REM1: variants seen among roughly 807,000 people sequenced by gnomAD.
REM1 encodes the protein RRAD and GEM like GTPase 1, also known as GTP-binding protein REM 1.
In REM1, 20 loss-of-function variants were observed where a neutral mutation model predicts 27.0. The observed-to-expected ratio is 0.74, with a 90% CI of 0.52 to 1.08. REM1 has a LOEUF of 1.08. Among genes scored for constraint, REM1 ranks in the 50% least tolerant of loss-of-function variants. The pLI, the probability that REM1 is intolerant of heterozygous loss-of-function variation, is 0.00. For synonymous variants in REM1, 159 were observed against 167.9 expected (o/e 0.95, Z 0.41); for missense variants, 405 against 407.0 (o/e 1.00, Z 0.04).
intron 3 of REM1, among the ~76,000 whole-genome samples, chr20:31,480,945 T>C (rs114246766): frequency 0.014 from 2,111 of 152,288 alleles, 43 homozygotes; most frequent in African/African-American, 0.049. Flanking sequence ...TGCTTTCCTA[T>C]TCATCACCAA....
chr20:31,478,220 C>T (rs1164932789), intron 3 of REM1, among the ~76,000 whole-genome samples: 4 of 101,512 alleles, frequency 3.9e-5, no homozygotes, highest in Admixed American at 3.0e-4. Context: ...ACAGAAGGAA[C>T]GCTGGATTTG....
Position 31,482,411 on chromosome 20 carries a change from A to C in REM1, c.548A>C (p.His183Pro). 6.2e-7 allele frequency: 1 copy of C among 1,614,144 alleles called. No homozygotes were observed. Among genetic ancestry groups the C allele is most frequent in the Non-Finnish European group, 8.5e-7 (1 of 1,180,016 alleles). Reference sequence around the variant, plus strand: ...CTCCGCATCCAGCTGCGGCGCACACATCAGGCAGACCATGTGCCCATCATC... The same window carrying C: ...CTCCGCATCCAGCTGCGGCGCACACCTCAGGCAGACCATGTGCCCATCATC... ...SELRIQLRRT[H>P]QADHVPIILV... The change falls in exon 4 of 5, where the codon CAT (histidine) becomes CCT (proline). Residue 183 changes from histidine (H) to proline (P), a missense_variant. Transcript: ENST00000201979.
Position 31,477,845 on chromosome 20 carries a change from A to C in REM1, c.358A>C (p.Thr120Pro). The change falls in exon 3 of 5, where the codon ACC (threonine) becomes CCC (proline). Residue 120 changes from threonine to proline, a missense_variant. Transcript: ENST00000201979. ...GGTTGCAGAAGATGTATATGAGAGGACCCTCACGGTGGATGGAGAAGACAC... is the reference window on the plus strand; with the variant it reads ...GGTTGCAGAAGATGTATATGAGAGGCCCCTCACGGTGGATGGAGAAGACAC... Reference protein sequence around the residue: ...EQLGEDVYERTLTVDGEDTTL... With the variant: ...EQLGEDVYERPLTVDGEDTTL... 6.2e-7 allele frequency: 1 copy of C among 1,612,864 alleles called. No individual in the cohort carries two copies. The highest frequency in any genetic ancestry group is 8.5e-7 in the Non-Finnish European group (1 of 1,179,714).
chr20:31,477,954 T>C (rs1390201696), intron 3 of REM1, 44 bp downstream of exon 3: 7 of 1,253,058 alleles, frequency 5.6e-6, no homozygotes, highest in Non-Finnish European at 8.1e-6. Flanking sequence ...GTGCTGAGCC[T>C]AATACTAGAC....
In REM1 at chr20:31,484,877, A is replaced by T. The variant is rs576078548; in HGVS notation, c.*447A>T. On this transcript the variant is annotated 3_prime_UTR_variant, in exon 5 of 5. Coordinates refer to ENST00000201979, the MANE Select transcript of REM1 (RefSeq NM_014012.6). Reference sequence around the variant, plus strand: ...CTGGCCTGGGCGTCAGGGCGCATCAATAAAGTACTTGGACCAGTTTTGTGC... The same window carrying T: ...CTGGCCTGGGCGTCAGGGCGCATCATTAAAGTACTTGGACCAGTTTTGTGC... The T allele has an allele frequency of 1.8e-5, 3 of 165,938 alleles. No homozygotes were observed. Among genetic ancestry groups the T allele is most frequent in the African/African-American group, 7.1e-5 (3 of 42,084 alleles). 10.3% of individuals were successfully genotyped at this position (165,938 alleles called of 1,614,324 possible).
chr20:31,484,097 C>T, intron 4 of REM1, 62 bp from the exon 5 acceptor site: 1 of 1,486,632 alleles, frequency 6.7e-7, no homozygotes, highest in Non-Finnish European at 9.0e-7. Context: ...ACATCTCTTC[C>T]TACCTTTTTC....
chr20:31,476,441 C>A lies in REM1; in HGVS notation c.-5C>A. The A allele has an allele frequency of 6.4e-7, 1 of 1,551,746 alleles. No individual in the cohort carries two copies. Among genetic ancestry groups the A allele is most frequent in the Non-Finnish European group, 8.7e-7 (1 of 1,151,184 alleles). ...AAGGAAGAAGCAAACCCCCCCCTAC[C>A]AAAGATGACACTCAACACCGAGCAG... On this transcript the variant is annotated 5_prime_UTR_variant, in exon 2 of 5. Transcript: ENST00000201979.
At chr20:31,476,109 C>T in intron 1 of REM1, 118 bp from the exon 2 acceptor site, 1 of 292,316 alleles carries the variant, frequency 3.4e-6, no homozygotes, top group Non-Finnish European at 6.4e-6. Context: ...TACTACTGCC[C>T]CTCCACCTGC....
At chr20:31,481,647 A>T (rs757493574) in intron 3 of REM1, among the ~76,000 whole-genome samples, 11 of 152,160 alleles carry the variant, frequency 7.2e-5, no homozygotes, top group Non-Finnish European at 1.5e-4. Flanking sequence ...CCAGTCTTGG[A>T]GGGCTGTCCC....
chr20:31,477,981 C>T, intron 3 of REM1, 71 bp downstream of exon 3: 1 of 925,662 alleles, frequency 1.1e-6, no homozygotes, highest in Non-Finnish European at 1.7e-6. Flanking sequence ...CTGTCCCCTC[C>T]TGGGGACACT....
intron 3 of REM1, among the ~76,000 whole-genome samples, chr20:31,480,405 C>T (rs1980692196): frequency 6.6e-6 from 1 of 152,060 alleles, no homozygotes; most frequent in Non-Finnish European, 1.5e-5. Flanking sequence ...CTCACTGTAA[C>T]CTCCGCCTCC....
chr20:31,484,226 T>A lies in REM1; in HGVS notation c.693T>A (p.Asn231Lys). ...FIETSATLQH[N>K]VAELFEGVVR... is the part of the protein sequence containing the mutation. The stretch of plus-strand genomic sequence containing the variant: ...AGACATCCGCCACGCTGCAGCACAA[T>A]GTGGCCGAGCTCTTCGAGGGCGTGG... The change falls in exon 5 of 5, where the codon AAT (asparagine) becomes AAA (lysine). Residue 231 changes from asparagine (N) to lysine (K), a missense_variant. Physicochemically the swap from Asn to Lys is moderately conservative, Grantham distance 94. Transcript: ENST00000201979. The A allele has an allele frequency of 2.5e-6, 4 of 1,609,394 alleles. No homozygotes were observed. The highest frequency in any genetic ancestry group is 1.7e-5 in the Admixed American group (1 of 59,664).
chr20:31,476,658 C>A lies in REM1; in HGVS notation c.213C>A (p.Ser71Arg), dbSNP rs759705636. 5.0e-6 allele frequency: 8 copies of A among 1,614,118 alleles called. No individual in the cohort carries two copies. The Admixed American group carries it at 5.0e-5, about 10-fold the overall frequency. Reference sequence around the variant, plus strand: ...CAGATGATTGGTCTTCTGAATCCAGCGACTCTGAAGGCTCCTGGGAGGCTC... The same window carrying A: ...CAGATGATTGGTCTTCTGAATCCAGAGACTCTGAAGGCTCCTGGGAGGCTC... Reference protein sequence around the residue: ...PAPDDWSSESSDSEGSWEALY... With the variant: ...PAPDDWSSESRDSEGSWEALY... The change falls in exon 2 of 5, where the codon AGC (serine) becomes AGA (arginine). Residue 71 changes from serine to arginine, a missense_variant. By Grantham distance (110) the Ser-to-Arg change is moderately radical. Transcript: ENST00000201979.
chr20:31,477,811 T>C lies in REM1; in HGVS notation c.341-17T>C. ...TTGCCCGTCCTCCCTGAGATCCAGC[T>C]CTTCCCTCGGTTGCAGAAGATGTAT... On this transcript the variant is annotated splice_polypyrimidine_tract_variant and intron_variant, in intron 2 of 4. Transcript: ENST00000201979. The C allele has an allele frequency of 6.2e-7, 1 of 1,606,700 alleles. No individual in the cohort carries two copies. The highest frequency in any genetic ancestry group is 8.5e-7 in the Non-Finnish European group (1 of 1,175,792).
intron 3 of REM1, among the ~76,000 whole-genome samples, chr20:31,480,198 GAT>G (rs1177728032): frequency 8.8e-6 from 1 of 113,658 alleles, no homozygotes; most frequent in Admixed American, 8.7e-5. Flanking sequence ...AAGATAGATA[GAT>G]AGATAGATAG....
chr20:31,476,319 TGGAAGAAGCCATACAGCAGCTCATCA>T lies in REM1; in HGVS notation c.-123_-98del, dbSNP rs1980494114. 5 of 766,974 alleles carry T rather than the reference TGGAAGAAGCCATACAGCAGCTCATCA, an allele frequency of 6.5e-6. No individual in the cohort carries two copies. The highest frequency in any genetic ancestry group is 4.9e-4 in the Middle Eastern group (2 of 4,112). The allele number at this position is 766,974 out of a possible 1,614,324, so 47.5% of individuals were successfully genotyped here. ...CTCCCATCTGAACAAGAGGGGGATCTGGAAGAAGCCATACAGCAGCTCATCAGGACACTATAGAAAGAAGCAGCTCA... is the reference window on the plus strand; with the variant it reads ...CTCCCATCTGAACAAGAGGGGGATCTGGACACTATAGAAAGAAGCAGCTCA... On this transcript the variant is annotated 5_prime_UTR_variant, in exon 2 of 5. The change abolishes the stop of an existing upstream ORF in the 5' untranslated region. Transcript: ENST00000201979.
chr20:31,484,531 A>T lies in REM1; in HGVS notation c.*101A>T. 1 of 1,359,240 alleles carries T rather than the reference A, an allele frequency of 7.4e-7. No homozygotes were observed. The highest frequency in any genetic ancestry group is 9.6e-7 in the Non-Finnish European group (1 of 1,036,986). 84.2% of individuals were successfully genotyped at this position (1,359,240 alleles called of 1,614,324 possible). On this transcript the variant is annotated 3_prime_UTR_variant, in exon 5 of 5. Coordinates refer to ENST00000201979, the MANE Select transcript of REM1 (RefSeq NM_014012.6). ...GGCGCCGTTACCTGGAGTCTGCATC[A>T]TGGGTCTTGCTTGCCTGCTGCCCTG...
intron 3 of REM1, among the ~76,000 whole-genome samples, chr20:31,480,271 A>G (rs1980685026): frequency 6.6e-6 from 1 of 151,600 alleles, no homozygotes; most frequent in South Asian, 2.1e-4. Context: ...ACATACATAC[A>G]TACATACATA....
In REM1 at chr20:31,484,798, CGT is replaced by C; in HGVS notation, c.*369_*370del. On this transcript the variant is annotated 3_prime_UTR_variant, in exon 5 of 5. Coordinates refer to ENST00000201979, the MANE Select transcript of REM1 (RefSeq NM_014012.6). Reference sequence around the variant, plus strand: ...ACCTCTCCATCTCGGCTCTTCCAGGCGTCTCCACCTACTGCCCTCCCATCTAC... The same window carrying C: ...ACCTCTCCATCTCGGCTCTTCCAGGCCTCCACCTACTGCCCTCCCATCTAC... 5.2e-5 allele frequency: 11 copies of C among 213,246 alleles called. No individual in the cohort carries two copies. Among genetic ancestry groups the C allele is most frequent in the South Asian group, 1.6e-4 (1 of 6,074 alleles). 13.2% of individuals were successfully genotyped at this position (213,246 alleles called of 1,614,324 possible).
Sources: allele counts gnomAD v4.1 joint callset (sites outside exome capture counted in the v4.1 genomes callset), GRCh38; gene constraint gnomAD v4.1.1; transcripts MANE v1.5; gene names NCBI Gene and HGNC (gene_info 2026-07-23, HGNC 2026-07-21).